PHACTR4: variants seen among roughly 807,000 people sequenced by gnomAD.
The protein encoded by PHACTR4 is phosphatase and actin regulator 4.
In PHACTR4, 51 loss-of-function variants were observed where a neutral mutation model predicts 72.7. The observed-to-expected ratio is 0.70, with a 90% CI of 0.56 to 0.89. PHACTR4 has a LOEUF of 0.89. Ranked by LOEUF, PHACTR4 falls within the 40% of genes least tolerant of loss-of-function variation. The probability of loss-of-function intolerance (pLI) is 0.00; values close to 1 mark genes in which losing one functional copy is unlikely to be tolerated. For missense variants in PHACTR4, 731 were observed against 861.8 expected (o/e 0.85, Z 1.90); for synonymous variants, 255 against 302.5 (o/e 0.84, Z 1.63).
intron 1 of PHACTR4, among the ~76,000 whole-genome samples, chr1:28,405,466 A>G (rs1654252250): frequency 6.6e-6 from 1 of 151,740 alleles, no homozygotes; most frequent in Non-Finnish European, 1.5e-5. Flanking sequence ...AGCTGGGACT[A>G]CAGGTACAGG....
At chr1:28,480,326 T>G in intron 8 of PHACTR4, 125 bp from the exon 9 acceptor site, 2 of 1,124,378 alleles carry the variant, frequency 1.8e-6, no homozygotes, top group Non-Finnish European at 2.5e-6. Flanking sequence ...CTGGATCATT[T>G]GAGGCCAGGT....
rs148051713 is a variant in PHACTR4, at chr1:28,494,600, C to T, written c.2093+1509C>T. Among the ~76,000 whole-genome samples, 584 of 152,274 alleles carry T rather than the reference C, an allele frequency of 3.8e-3. 5 individuals carry two copies. Among genetic ancestry groups the T allele is most frequent in the African/African-American group, 0.014 (567 of 41,556 alleles). On this transcript the variant is annotated intron_variant, in intron 13 of 13. Transcript: ENST00000373839. Reference sequence around the variant, plus strand: ...CCCGGAAGCAGAGGTTGCAGTGAGCCGAGATCGCGCAACTGCGCTCCAACC... The same window carrying T: ...CCCGGAAGCAGAGGTTGCAGTGAGCTGAGATCGCGCAACTGCGCTCCAACC...
intron 2 of PHACTR4, among the ~76,000 whole-genome samples, chr1:28,409,704 A>G (rs1654626129): frequency 6.6e-6 from 1 of 152,112 alleles, no homozygotes; most frequent in South Asian, 2.1e-4. Flanking sequence ...TTGGGCTACT[A>G]GTACTAGCAA....
intron 2 of PHACTR4, among the ~76,000 whole-genome samples, chr1:28,447,765 A>G (rs1657589615): frequency 6.6e-6 from 1 of 152,156 alleles, no homozygotes; most frequent in Non-Finnish European, 1.5e-5. Flanking sequence ...TTCCAGAGGT[A>G]GAATCTCAGA....
intron 9 of PHACTR4, among the ~76,000 whole-genome samples, chr1:28,485,035 C>A (rs6426348): frequency 0.39 from 59,200 of 151,920 alleles, 13,363 homozygotes; most frequent in African/African-American, 0.62. Context: ...AGGAAATCCT[C>A]CAATATGCTA....
At chr1:28,442,697 G>C (rs1004469342) in intron 2 of PHACTR4, among the ~76,000 whole-genome samples, 97 of 151,866 alleles carry the variant, frequency 6.4e-4, no homozygotes, top group African/African-American at 2.2e-3. Context: ...GTAGAGACGG[G>C]GTTTCGCCAT....
At position 28,420,023 on chromosome 1, in the gene PHACTR4, T is replaced by C. The variant is rs141633489; in HGVS notation, c.16+12560T>C. Among the ~76,000 whole-genome samples the C allele has an allele frequency of 2.6e-3, 399 of 152,216 alleles. 1 individual carries two copies. Among genetic ancestry groups the C allele is most frequent in the African/African-American group, 9.3e-3 (388 of 41,518 alleles). On this transcript the variant is annotated intron_variant, in intron 2 of 13. Transcript: ENST00000373839. ...TGGCTCACACCTGTAATCCCAGTGC[T>C]TTGGGAGGCTGAGGCAGGCAAATCG...
intron 2 of PHACTR4, among the ~76,000 whole-genome samples, chr1:28,450,143 C>G (rs1193231827): frequency 6.6e-6 from 1 of 152,100 alleles, no homozygotes; most frequent in Non-Finnish European, 1.5e-5. Context: ...CCAAAAAACA[C>G]CAAGACTGTC....
At chr1:28,487,727 G>GTTTTTTTTTTTTTTTTTTTT (rs780028378) in intron 9 of PHACTR4, among the ~76,000 whole-genome samples, 3 of 63,310 alleles carry the variant, frequency 4.7e-5, no homozygotes, top group African/African-American at 1.7e-4. Flanking sequence ...GTTTTTTGTT[G>GTTTTTTTTTTTTTTTTTTTT]TTTTTTTTTT....
chr1:28,423,018 AC>A (rs1441026596), intron 2 of PHACTR4, among the ~76,000 whole-genome samples: 1 of 152,274 alleles, frequency 6.6e-6, no homozygotes, highest in African/African-American at 2.4e-5. Flanking sequence ...CAAACTCCTG[AC>A]CTCAGGTAAT....
Position 28,376,905 on chromosome 1 carries a change from G to A in PHACTR4, c.-39+7080G>A, listed in dbSNP as rs149743807. Among the ~76,000 whole-genome samples, 576 of 152,106 alleles carry A rather than the reference G, an allele frequency of 3.8e-3. 8 individuals carry two copies. The highest frequency in any genetic ancestry group is 0.013 in the African/African-American group (550 of 41,522). ...ACCTGTCTCGGCCTCTCAAAGTGTG[G>A]GGATTACAGGCGTGAGCCAGCGCGC... On this transcript the variant is annotated intron_variant, in intron 1 of 13. Coordinates refer to ENST00000373839, the MANE Select transcript of PHACTR4 (RefSeq NM_001048183.3).
At chr1:28,392,658 GC>G (rs1359698467) in intron 1 of PHACTR4, among the ~76,000 whole-genome samples, 2 of 151,954 alleles carry the variant, frequency 1.3e-5, no homozygotes, top group African/African-American at 4.8e-5. Flanking sequence ...CTCCCAAAGT[GC>G]TGGGATTACA....
At chr1:28,470,536 C>G (rs976984590) in intron 6 of PHACTR4, among the ~76,000 whole-genome samples, 3 of 150,110 alleles carry the variant, frequency 2.0e-5, no homozygotes, top group East Asian at 4.0e-4. Context: ...AAAAAATACC[C>G]CCCCCAAAAA....
intron 11 of PHACTR4, 91 bp from the exon 12 acceptor site, chr1:28,491,559 G>A: frequency 6.5e-7 from 1 of 1,537,544 alleles, no homozygotes; most frequent in Non-Finnish European, 9.0e-7. Flanking sequence ...TGATTCCAAT[G>A]AAGATTGAAG....
rs745958926 is a variant in PHACTR4 at position 28,489,224 on chromosome 1, A to G, written c.1815A>G (p.Gln605=). Residue 605 remains glutamine, a splice_region_variant and synonymous_variant, in exon 10 of 14, where the codon CAA becomes CAG. Coordinates refer to ENST00000373839, the MANE Select transcript of PHACTR4 (RefSeq NM_001048183.3). ...PEELEQRNIL[Q]PKNEADRQAE... ...AACTAGAACAACGCAATATATTGCA[A>G]CGTGAGTCCAGTTATGGAAATAAAG... 22 of 1,609,692 alleles carry G rather than the reference A, an allele frequency of 1.4e-5. No homozygotes were observed. Among genetic ancestry groups the G allele is most frequent in the East Asian group, 2.2e-5 (1 of 44,838 alleles).
chr1:28,437,404 AT>A (rs950680746), intron 2 of PHACTR4, among the ~76,000 whole-genome samples: 3 of 151,928 alleles, frequency 2.0e-5, no homozygotes, highest in Non-Finnish European at 2.9e-5. Flanking sequence ...TAATTTTTAA[AT>A]TTTTTATAGA....
chr1:28,406,576 T>C (rs1207842512), intron 1 of PHACTR4, among the ~76,000 whole-genome samples: 1 of 152,176 alleles, frequency 6.6e-6, no homozygotes, highest in Non-Finnish European at 1.5e-5. Context: ...CATGAGCCAC[T>C]GCGCCCGGCC....
intron 1 of PHACTR4, among the ~76,000 whole-genome samples, chr1:28,376,684 T>TG (rs1011607962): frequency 5.9e-5 from 9 of 151,804 alleles, no homozygotes; most frequent in African/African-American, 2.2e-4. Context: ...TCGCCCAGGC[T>TG]GGAGTGCAGT....
At position 28,370,074 on chromosome 1, in the gene PHACTR4, C is replaced by T. The variant is rs1421961208; in HGVS notation, c.-39+249C>T. Among the ~76,000 whole-genome samples the T allele has an allele frequency of 5.3e-5, 8 of 151,890 alleles. No individual in the cohort carries two copies. The East Asian group carries it at 7.8e-4, about 15-fold the overall frequency. ...GGCCCGCGCAGGCTCGCCCTCTCCG[C>T]CCCCCGAGACTTGGCTGGGCCCTTT... On this transcript the variant is annotated intron_variant, in intron 1 of 13. Coordinates refer to ENST00000373839, the MANE Select transcript of PHACTR4 (RefSeq NM_001048183.3).
Sources: gnomAD v4.1 joint callset for allele counts (sites outside exome capture counted in the v4.1 genomes callset) on GRCh38, gnomAD v4.1.1 for gene constraint, MANE v1.5 for transcripts, NCBI Gene and HGNC (gene_info 2026-07-23, HGNC 2026-07-21) for gene names.